Variants in IL1RAPL2 observed in about 807,000 individuals in gnomAD.
IL1RAPL2 encodes X-linked interleukin-1 receptor accessory protein-like 2.
IL1RAPL2 carries 3 observed loss-of-function variants against 44.1 expected under a neutral mutation model. The ratio of observed to expected loss-of-function variants is 0.07; its 90% confidence interval spans 0.03 to 0.18. The LOEUF (loss-of-function observed/expected upper bound fraction) is 0.18. IL1RAPL2 is among the 10% of genes least tolerant of loss of function. The probability of loss-of-function intolerance (pLI) is 1.00; values close to 1 mark genes in which losing one functional copy is unlikely to be tolerated. For missense variants in IL1RAPL2, 391 were observed against 496.4 expected (o/e 0.79, Z 2.02); for synonymous variants, 181 against 178.8 (o/e 1.01, Z -0.10).
chrX:105,069,332 T>A (rs2032177760), intron 2 of IL1RAPL2, among the ~76,000 whole-genome samples: 1 of 112,765 alleles, frequency 8.9e-6, no homozygotes, highest in Non-Finnish European at 1.9e-5. Flanking sequence ...AATATTAATT[T>A]TTCCAAACTC....
At chrX:104,764,291 C>T (rs1932517839) in intron 2 of IL1RAPL2, among the ~76,000 whole-genome samples, 1 of 110,190 alleles carries the variant, frequency 9.1e-6, no homozygotes, top group African/African-American at 3.3e-5. Context: ...TGGTTAATTT[C>T]TAGGTATTTA....
chrX:104,640,455 T>A (rs746119581), intron 1 of IL1RAPL2, among the ~76,000 whole-genome samples: 1 of 111,995 alleles, frequency 8.9e-6, no homozygotes, highest in African/African-American at 3.2e-5. Flanking sequence ...TTCTTTAATA[T>A]CATTATTTAA....
intron 3 of IL1RAPL2, among the ~76,000 whole-genome samples, chrX:105,196,309 T>A (rs1353049093): frequency 9.1e-6 from 1 of 110,283 alleles, no homozygotes; most frequent in African/African-American, 3.3e-5. Flanking sequence ...AATAAGAAAA[T>A]TTTCTGACTC....
chrX:105,323,118 C>A (rs987937388), intron 5 of IL1RAPL2, among the ~76,000 whole-genome samples: 13 of 111,939 alleles, frequency 1.2e-4, no homozygotes, highest in African/African-American at 4.2e-4. Flanking sequence ...GAACCAAATA[C>A]TTATTTCTGA....
intron 2 of IL1RAPL2, among the ~76,000 whole-genome samples, chrX:104,883,997 G>T (rs1374113553): frequency 8.9e-6 from 1 of 112,032 alleles, no homozygotes; most frequent in Admixed American, 9.5e-5. Context: ...CAGGGGTAAA[G>T]TCCCAATACT....
At chrX:105,432,134 T>A (rs1271723488) in intron 5 of IL1RAPL2, among the ~76,000 whole-genome samples, 1 of 94,233 alleles carries the variant, frequency 1.1e-5, no homozygotes, top group Non-Finnish European at 2.1e-5. Context: ...TTTGCCTTTT[T>A]TTTTTTTTTT....
chrX:105,446,792 T>G (rs2035957861), intron 5 of IL1RAPL2, among the ~76,000 whole-genome samples: 1 of 108,476 alleles, frequency 9.2e-6, no homozygotes, highest in Admixed American at 1.0e-4. Context: ...GTTCATCATT[T>G]AGTCTTTCTA....
At chrX:104,568,940 AG>A (rs998790156) in intron 1 of IL1RAPL2, among the ~76,000 whole-genome samples, 3 of 111,555 alleles carry the variant, frequency 2.7e-5, no homozygotes, top group African/African-American at 9.8e-5. Flanking sequence ...CTCCAATTTG[AG>A]GGCTGCCCTG....
chrX:105,224,400 T>C (rs1452024615), intron 3 of IL1RAPL2, among the ~76,000 whole-genome samples: 1 of 111,322 alleles, frequency 9.0e-6, no homozygotes, highest in East Asian at 2.8e-4. Flanking sequence ...GTGAGGCAGG[T>C]GCCAGATGAT....
chrX:105,633,205 G>A (rs2037502704), intron 6 of IL1RAPL2, among the ~76,000 whole-genome samples: 2 of 111,633 alleles, frequency 1.8e-5, no homozygotes, highest in African/African-American at 6.5e-5. Context: ...TTTAGATCAA[G>A]AGATCTTTTA....
chrX:105,306,867 G>T (rs1397997999), intron 5 of IL1RAPL2, among the ~76,000 whole-genome samples: 1 of 110,778 alleles, frequency 9.0e-6, no homozygotes, highest in East Asian at 2.8e-4. Flanking sequence ...TCATTTTCAC[G>T]CTGCTATAAA....
At chrX:104,702,752 A>G (rs1931297979) in intron 2 of IL1RAPL2, among the ~76,000 whole-genome samples, 1 of 111,169 alleles carries the variant, frequency 9.0e-6, no homozygotes, top group African/African-American at 3.3e-5. Context: ...GTCTTCTGTC[A>G]TAATATTGAC....
At chrX:104,817,789 A>G (rs777954349) in intron 2 of IL1RAPL2, among the ~76,000 whole-genome samples, 2 of 111,927 alleles carry the variant, frequency 1.8e-5, no homozygotes, top group Admixed American at 1.9e-4. Context: ...ACAGTGTCTG[A>G]CATTTAATTG....
intron 2 of IL1RAPL2, among the ~76,000 whole-genome samples, chrX:105,007,935 G>T (rs2030971284): frequency 8.7e-6 from 1 of 114,788 alleles, no homozygotes; most frequent in South Asian, 3.4e-4. Flanking sequence ...ATTCAGAATC[G>T]TTTTAGCACT....
intron 2 of IL1RAPL2, among the ~76,000 whole-genome samples, chrX:105,151,049 G>A (rs1032822549): frequency 1.8e-5 from 2 of 111,936 alleles, no homozygotes; most frequent in African/African-American, 3.2e-5. Context: ...TCTAAATTGT[G>A]TCTACTTCCC....
At chrX:105,486,480 T>G (rs1043629016) in intron 6 of IL1RAPL2, among the ~76,000 whole-genome samples, 1 of 111,244 alleles carries the variant, frequency 9.0e-6, no homozygotes, top group Non-Finnish European at 1.9e-5. Flanking sequence ...GTCCCCTATA[T>G]TGTTTTGCAG....
chrX:105,372,451 G>C (rs777848815), intron 5 of IL1RAPL2, among the ~76,000 whole-genome samples: 4 of 98,922 alleles, frequency 4.0e-5, no homozygotes, highest in Non-Finnish European at 5.8e-5. Flanking sequence ...AAAAAAAAAA[G>C]TCTTTTAATC....
intron 2 of IL1RAPL2, among the ~76,000 whole-genome samples, chrX:104,761,830 TCTTCTC>T (rs1302413687): frequency 1.4e-5 from 1 of 72,522 alleles, no homozygotes; most frequent in Non-Finnish European, 2.5e-5. Context: ...TCCTTCTCCT[TCTTCTC>T]CTTCTCCTTC....
intron 3 of IL1RAPL2, among the ~76,000 whole-genome samples, chrX:105,217,059 T>G (rs1483320539): frequency 4.6e-5 from 5 of 107,556 alleles, no homozygotes; most frequent in Non-Finnish European, 9.6e-5. Flanking sequence ...ACTTCATGTC[T>G]AAAACACCAA....
Sources: gnomAD v4.1 joint callset for allele counts (sites outside exome capture counted in the v4.1 genomes callset) on GRCh38, gnomAD v4.1.1 for gene constraint, MANE v1.5 for transcripts, NCBI Gene and HGNC (gene_info 2026-07-23, HGNC 2026-07-21) for gene names.